Variants in FOXN3 observed in about 807,000 individuals in gnomAD.
FOXN3 encodes forkhead box N3.
A neutral mutation model predicts 38.4 loss-of-function variants in FOXN3; 7 were observed. That is an observed-to-expected ratio of 0.18 (90% CI 0.10 to 0.34). The LOEUF is 0.34. FOXN3 is among the 10% of genes least tolerant of loss of function. The pLI is 1.00. For missense variants in FOXN3, 456 were observed against 613.4 expected, an observed-to-expected ratio of 0.74 and a Z score of 2.71; for synonymous variants, 230 against 242.2, an observed-to-expected ratio of 0.95 and a Z score of 0.47.
intron 4 of FOXN3, among the ~76,000 whole-genome samples, chr14:89,278,338 G>C (rs1245975478): frequency 6.6e-6 from 1 of 152,090 alleles, no homozygotes; most frequent in African/African-American, 2.4e-5. Flanking sequence ...ATGATTCAAT[G>C]ATCTCCCACA....
chr14:89,427,787 C>G (rs928108042), intron 1 of FOXN3, among the ~76,000 whole-genome samples: 1 of 152,006 alleles, frequency 6.6e-6, no homozygotes, highest in Non-Finnish European at 1.5e-5. Flanking sequence ...ACTCTGTTTT[C>G]TCTTCTGCTC....
chr14:89,565,869 C>T lies in FOXN3; in HGVS notation c.-15+53159G>A, dbSNP rs184346228. Among the ~76,000 whole-genome samples, 340 of 152,278 alleles carry T rather than the reference C, an allele frequency of 2.2e-3. 5 individuals carry two copies. The highest frequency in any genetic ancestry group is 0.019 in the Admixed American group (294 of 15,286). On this transcript the variant is annotated intron_variant, in intron 1 of 6. Transcript: ENST00000345097. ...CAAAGAGATGCTGGGAGCTGCCAAA[C>T]GCAGAAAATTAATACAAGGGATGCA...
intron 1 of FOXN3, among the ~76,000 whole-genome samples, chr14:89,531,727 T>C (rs1461024326): frequency 6.6e-6 from 1 of 152,266 alleles, no homozygotes; most frequent in Non-Finnish European, 1.5e-5. Context: ...TTCCAGGTGA[T>C]GCATCAGCAA....
chr14:89,354,702 A>G (rs946415485), intron 2 of FOXN3, among the ~76,000 whole-genome samples: 2 of 151,634 alleles, frequency 1.3e-5, no homozygotes, highest in Non-Finnish European at 2.9e-5. Flanking sequence ...TAAAAATACC[A>G]TAATTAGCTG....
intron 4 of FOXN3, among the ~76,000 whole-genome samples, chr14:89,248,272 T>C (rs1270785447): frequency 3.9e-5 from 6 of 152,278 alleles, no homozygotes; most frequent in Admixed American, 1.3e-4. Context: ...GCGACTGATA[T>C]AAAATACGCA....
At chr14:89,497,095 C>T (rs1370383932) in intron 1 of FOXN3, among the ~76,000 whole-genome samples, 1 of 152,094 alleles carries the variant, frequency 6.6e-6, no homozygotes, top group African/African-American at 2.4e-5. Context: ...GCTGGGATTA[C>T]AGGCGCCCAC....
intron 4 of FOXN3, among the ~76,000 whole-genome samples, chr14:89,220,641 G>C (rs1311673710): frequency 6.6e-6 from 1 of 152,166 alleles, no homozygotes; most frequent in Non-Finnish European, 1.5e-5. Flanking sequence ...GGCCATGACT[G>C]TGGTAAAGAT....
At chr14:89,368,901 C>T (rs1015602274) in intron 2 of FOXN3, among the ~76,000 whole-genome samples, 5 of 152,214 alleles carry the variant, frequency 3.3e-5, no homozygotes, top group East Asian at 1.9e-4. Context: ...AGAGAAACTC[C>T]GCCAGGGGTT....
intron 4 of FOXN3, among the ~76,000 whole-genome samples, chr14:89,278,029 C>CA (rs1273806575): frequency 2.0e-5 from 3 of 152,006 alleles, no homozygotes; most frequent in African/African-American, 2.4e-5. Flanking sequence ...ACCCTTCTGA[C>CA]AAAAATAGGT....
intron 4 of FOXN3, among the ~76,000 whole-genome samples, chr14:89,229,300 C>G (rs1302533507): frequency 6.6e-6 from 1 of 152,162 alleles, no homozygotes; most frequent in Non-Finnish European, 1.5e-5. Context: ...TTTTGTTGTA[C>G]AAAAGAACTA....
chr14:89,195,488 G>A lies in FOXN3; in HGVS notation c.746-14682C>T, dbSNP rs1888074462. ...TAGGATGCTTCGGACCAAAGACATT[G>A]GAGATTTGTGGCTGGAAGCATTTCA... On this transcript the variant is annotated intron_variant, in intron 4 of 5. Coordinates refer to ENST00000557258, the MANE Select transcript of FOXN3 (RefSeq NM_005197.4). 2.0e-5 allele frequency among the ~76,000 whole-genome samples: 3 copies of A among 152,310 alleles called. No individual in the cohort carries two copies. The South Asian group carries it at 6.2e-4, about 32-fold the overall frequency.
intron 1 of FOXN3, among the ~76,000 whole-genome samples, chr14:89,606,758 G>A (rs1290137002): frequency 6.6e-6 from 1 of 152,174 alleles, no homozygotes; most frequent in Non-Finnish European, 1.5e-5. Flanking sequence ...GCTGAGGCAG[G>A]GGAAGCTTGA....
At chr14:89,239,898 G>A (rs904022870) in intron 4 of FOXN3, among the ~76,000 whole-genome samples, 1 of 152,172 alleles carries the variant, frequency 6.6e-6, no homozygotes, top group African/African-American at 2.4e-5. Context: ...CATGACCCAT[G>A]AATTCTGGAG....
chr14:89,240,545 G>A (rs926911657), intron 4 of FOXN3, among the ~76,000 whole-genome samples: 1 of 152,176 alleles, frequency 6.6e-6, no homozygotes, highest in Non-Finnish European at 1.5e-5. Context: ...AAATCTGTAT[G>A]CACTGATACA....
chr14:89,224,869 G>A (rs1318053752), intron 4 of FOXN3, among the ~76,000 whole-genome samples: 3 of 152,158 alleles, frequency 2.0e-5, no homozygotes, highest in African/African-American at 7.2e-5. Context: ...GGTGGCTCAC[G>A]CTTGTAAGCC....
intron 1 of FOXN3, among the ~76,000 whole-genome samples, chr14:89,569,129 T>C (rs1895435460): frequency 6.6e-6 from 1 of 152,248 alleles, no homozygotes; most frequent in African/African-American, 2.4e-5. Context: ...GGCGTGAACC[T>C]GGGAGGTGGA....
intron 4 of FOXN3, among the ~76,000 whole-genome samples, chr14:89,235,477 G>A (rs925613604): frequency 3.3e-5 from 5 of 152,128 alleles, no homozygotes; most frequent in African/African-American, 9.7e-5. Flanking sequence ...ACACCTGAAC[G>A]CCCAGCAGGT....
chr14:89,529,106 A>G (rs1285855172), intron 1 of FOXN3, among the ~76,000 whole-genome samples: 3 of 152,170 alleles, frequency 2.0e-5, no homozygotes, highest in Non-Finnish European at 4.4e-5. Context: ...AACTCTAGGG[A>G]TCTAGGGCTA....
intron 1 of FOXN3, among the ~76,000 whole-genome samples, chr14:89,569,031 C>T (rs1475354642): frequency 1.3e-5 from 2 of 152,188 alleles, no homozygotes; most frequent in Non-Finnish European, 2.9e-5. Context: ...GGTGAAACCC[C>T]ATCTCTACTA....
Sources: gnomAD v4.1 joint callset for allele counts (sites outside exome capture counted in the v4.1 genomes callset) on GRCh38, gnomAD v4.1.1 for gene constraint, MANE v1.5 for transcripts, NCBI Gene and HGNC (gene_info 2026-07-23, HGNC 2026-07-21) for gene names.